The following APBB1 variants were observed in gnomAD, a reference collection of about 807,000 sequenced individuals.
APBB1 encodes the protein amyloid beta precursor protein binding family B member 1, also known as adaptor protein FE65a2.
In APBB1, 22 loss-of-function variants were observed where a neutral mutation model predicts 78.4. The ratio of observed to expected loss-of-function variants is 0.28; its 90% CI spans 0.20 to 0.40. The LOEUF (loss-of-function observed/expected upper bound fraction) is 0.40. Among genes scored for constraint, APBB1 ranks in the 10% least tolerant of loss-of-function variants. APBB1 has a pLI of 1.00. For missense variants in APBB1, 749 were observed against 932.4 expected, an observed-to-expected ratio of 0.80 and a Z score of 2.56; for synonymous variants, 369 against 372.7, an observed-to-expected ratio of 0.99 and a Z score of 0.12.
intron 7 of APBB1, 150 bp from the exon 8 acceptor site, chr11:6,402,359 G>A: frequency 8.3e-7 from 1 of 1,204,842 alleles, no homozygotes; most frequent in South Asian, 1.5e-5. Context: ...TCTAGTGGAG[G>A]TCACGTGTCA....
At chr11:6,409,005 T>C (rs1275554499) in intron 2 of APBB1, among the ~76,000 whole-genome samples, 1 of 152,148 alleles carries the variant, frequency 6.6e-6, no homozygotes, top group East Asian at 1.9e-4. Flanking sequence ...TTTTTGTAGG[T>C]ACAATAATGA....
intron 2 of APBB1, among the ~76,000 whole-genome samples, chr11:6,410,000 T>C (rs1329903908): frequency 6.6e-6 from 1 of 151,934 alleles, no homozygotes; most frequent in Non-Finnish European, 1.5e-5. Flanking sequence ...CAAACAGACC[T>C]CTGTGGGGAG....
At chr11:6,414,129 C>G (rs1849057377) in intron 1 of APBB1, among the ~76,000 whole-genome samples, 1 of 152,090 alleles carries the variant, frequency 6.6e-6, no homozygotes, top group South Asian at 2.1e-4. Flanking sequence ...CAGTCCCCTC[C>G]CCACCTCCCG....
At chr11:6,404,993 A>G in intron 2 of APBB1, 1 of 1,430,190 alleles carries the variant, frequency 7.0e-7, no homozygotes, top group Non-Finnish European at 9.1e-7. Flanking sequence ...CCACCATGCT[A>G]GGGAATCTCC....
rs2134074450 is a variant in APBB1 at position 6,403,366 on chromosome 11, C to T, written c.993G>A (p.Leu331=). The change falls in exon 5 of 15, where the codon CTG becomes CTA. Residue 331 remains leucine (L), a synonymous_variant. Coordinates refer to ENST00000609360, the MANE Select transcript of APBB1 (RefSeq NM_001164.5). The surrounding 1 kb of genome is among the most constrained non-coding windows in gnomAD (Gnocchi z 5.3). ...PSDEAPMELG[L]KEPEEGTLTF... The stretch of plus-strand genomic sequence containing the variant: ...TCAACGTCCCCTCCTCAGGTTCCTT[C>T]AGTCCCAGCTCCATTGGGGCCTCAT... The T allele has an allele frequency of 6.2e-7, 1 of 1,614,146 alleles. No homozygotes were observed. The highest frequency in any genetic ancestry group is 2.2e-5 in the East Asian group (1 of 44,884).
rs376574371 is a variant in APBB1 at position 6,412,102 on chromosome 11, T to A, written c.-14-741A>T. ...CTGTCCTGGATCACTATGGGAGCCT[T>A]TCCCCTGGGCCCCTCAGCCTTTCAG... On this transcript the variant is annotated intron_variant, in intron 1 of 14. Coordinates refer to ENST00000609360, the MANE Select transcript of APBB1 (RefSeq NM_001164.5). 3.8e-4 allele frequency among the ~76,000 whole-genome samples: 58 copies of A among 152,322 alleles called. No individual in the cohort carries two copies. In the South Asian group the frequency reaches 8.1e-3, roughly 21 times the overall value.
chr11:6,414,175 G>A (rs1418966349), intron 1 of APBB1, among the ~76,000 whole-genome samples: 5 of 152,148 alleles, frequency 3.3e-5, no homozygotes, highest in South Asian at 4.1e-4. Context: ...CACATGAAGC[G>A]TGGCGGATTC....
At position 6,401,440 on chromosome 11, in the gene APBB1, AAGGG is replaced by A. The variant is rs1163066786; in HGVS notation, c.1504-15_1504-12del. The A allele has an allele frequency of 2.9e-5, 47 of 1,613,148 alleles. No homozygotes were observed. Among genetic ancestry groups the A allele is most frequent in the Non-Finnish European group, 4.0e-5 (47 of 1,179,332 alleles). ...CCGTTCGGCCATGATCTGAGGAAGGAAGGGAGGCGAGGAGCCAGGGAGAATCTAT... is the reference window on the plus strand; with the variant it reads ...CCGTTCGGCCATGATCTGAGGAAGGAAGGCGAGGAGCCAGGGAGAATCTAT... On this transcript the variant is annotated splice_polypyrimidine_tract_variant and intron_variant, in intron 10 of 14. Transcript: ENST00000609360. This position sits in a 1 kb window ranked among gnomAD's most constrained non-coding sequence, Gnocchi z 4.5.
chr11:6,395,217 CCTT>C lies in APBB1; in HGVS notation c.*314_*316del, dbSNP rs1184495053. On this transcript the variant is annotated 3_prime_UTR_variant, in exon 15 of 15. Transcript: ENST00000609360. The surrounding 1 kb of genome is among the most constrained non-coding windows in gnomAD (Gnocchi z 5.2). ...CCCATGCCTGGACCAGTCCCTTCCT[CCTT>C]CTGCCCCTGCTGGGTCCAGGAGGAT... The C allele has an allele frequency of 3.4e-6, 1 of 291,468 alleles. No individual in the cohort carries two copies. The highest frequency in any genetic ancestry group is 6.4e-6 in the Non-Finnish European group (1 of 156,140). The allele number at this position is 291,468 out of a possible 1,614,324, so 18.1% of individuals were successfully genotyped here. A position where few individuals can be genotyped will look rare whatever the true frequency, so the allele number is the denominator to read the frequency against.
chr11:6,413,512 T>C (rs1216686775), intron 1 of APBB1, among the ~76,000 whole-genome samples: 1 of 152,190 alleles, frequency 6.6e-6, no homozygotes, highest in African/African-American at 2.4e-5. Context: ...TCTCTCCAGG[T>C]GCGGTGCGCC....
chr11:6,406,595 T>C (rs1473787332), intron 2 of APBB1, among the ~76,000 whole-genome samples: 1 of 152,158 alleles, frequency 6.6e-6, no homozygotes, highest in Non-Finnish European at 1.5e-5. Flanking sequence ...TCCCCAGGTT[T>C]TATGTGCTGT....
chr11:6,411,138 T>C lies in APBB1; in HGVS notation c.210A>G (p.Leu70=), dbSNP rs745435133. Residue 70 remains leucine (L), a synonymous_variant, in exon 2 of 15, where the codon CTA becomes CTG. Transcript: ENST00000609360. The surrounding 1 kb of genome is among the most constrained non-coding windows in gnomAD (Gnocchi z 5.2). ...GCCGGAGCTGGTTCTGGCCCTCTTT[T>C]AGCCACTTGGCATTGGCAGGGCCTG... ...PEPGPANAKW[L]KEGQNQLRRA... The C allele has an allele frequency of 1.9e-6, 3 of 1,610,850 alleles. No homozygotes were observed. In the South Asian group the frequency reaches 3.3e-5, roughly 18 times the overall value.
chr11:6,403,400 T>A lies in APBB1; in HGVS notation c.959A>T (p.Glu320Val), dbSNP rs370118988. 3.3e-5 allele frequency: 53 copies of A among 1,614,060 alleles called. No homozygotes were observed. Among genetic ancestry groups the A allele is most frequent in the Non-Finnish European group, 4.4e-5 (52 of 1,180,024 alleles). The change falls in exon 5 of 15, where the codon GAA becomes GTA. Residue 320 changes from glutamate to valine, a missense_variant. Coordinates refer to ENST00000609360, the MANE Select transcript of APBB1 (RefSeq NM_001164.5). This position sits in a 1 kb window ranked among gnomAD's most constrained non-coding sequence, Gnocchi z 5.3. ...GFEDGEFWKD[E>V]PSDEAPMELG... ...CTCCATTGGGGCCTCATCACTGGGT[T>A]CATCCTTGGGAAGGGGATTGAGGAA...
chr11:6,414,045 A>G (rs566952121), intron 1 of APBB1, among the ~76,000 whole-genome samples: 7 of 151,974 alleles, frequency 4.6e-5, no homozygotes, highest in Admixed American at 4.6e-4. Context: ...AGGGCTCACC[A>G]CTGCCTTTCG....
At chr11:6,396,339 C>T in intron 12 of APBB1, 124 bp from the exon 13 acceptor site, 3 of 780,006 alleles carry the variant, frequency 3.8e-6, no homozygotes, top group Non-Finnish European at 6.1e-6. Flanking sequence ...TGCCAGCCTA[C>T]ATTTTGGACA....
rs1187752090 is a variant in APBB1, at chr11:6,403,687, G to T, written c.857C>A (p.Ala286Asp). 10 of 1,608,200 alleles carry T rather than the reference G, an allele frequency of 6.2e-6. No individual in the cohort carries two copies. Among genetic ancestry groups the T allele is most frequent in the Non-Finnish European group, 8.5e-6 (10 of 1,176,352 alleles). ...GGGGCTGCTCCCCTGTGAGGGGGAG[G>T]CCCGGCCGGGGGGTTCCCACTGGGT... ...GTTQWEPPGRASPSQGSSPQE... is the reference protein window; with the variant it reads ...GTTQWEPPGRDSPSQGSSPQE... The change falls in exon 3 of 15, where the codon GCC becomes GAC. Residue 286 changes from alanine (A) to aspartate (D), a missense_variant. Transcript: ENST00000609360. The surrounding 1 kb of genome is among the most constrained non-coding windows in gnomAD (Gnocchi z 5.3).
Position 6,403,574 on chromosome 11 carries a change from G to A in APBB1, c.898-30C>T, listed in dbSNP as rs1848646794. ...GAGGAGGGATGGGAGTAGTGAGTGA[G>A]TGTCCTATCCTACTCCAGCAGCACA... is the stretch of plus-strand genomic sequence containing the variant. On this transcript the variant is annotated intron_variant, in intron 3 of 14. Transcript: ENST00000609360. This position sits in a 1 kb window ranked among gnomAD's most constrained non-coding sequence, Gnocchi z 5.3. The A allele has an allele frequency of 1.9e-6, 3 of 1,613,078 alleles. No homozygotes were observed. The highest frequency in any genetic ancestry group is 2.2e-5 in the East Asian group (1 of 44,876).
rs1181087304 is a variant in APBB1 at position 6,405,097 on chromosome 11, C to A, written c.722-1275G>T. 10 of 1,360,988 alleles carry A rather than the reference C, an allele frequency of 7.3e-6. No individual in the cohort carries two copies. The East Asian group carries it at 1.7e-4, about 23-fold the overall frequency. 84.3% of individuals were successfully genotyped at this position (1,360,988 alleles called of 1,614,324 possible). ...CTTCCTCGCCCTGGCTCCCCTCCCC[C>A]AATCCTGAATCTCCATCCCACCCTC... On this transcript the variant is annotated intron_variant, in intron 2 of 14. Coordinates refer to ENST00000609360, the MANE Select transcript of APBB1 (RefSeq NM_001164.5).
At position 6,401,568 on chromosome 11, in the gene APBB1, C is replaced by T; in HGVS notation, c.1503+6G>A. The T allele has an allele frequency of 6.2e-7, 1 of 1,614,138 alleles. No individual in the cohort carries two copies. Among genetic ancestry groups the T allele is most frequent in the Non-Finnish European group, 8.5e-7 (1 of 1,180,032 alleles). On this transcript the variant is annotated splice_donor_region_variant and intron_variant, in intron 10 of 14. Transcript: ENST00000609360. This position sits in a 1 kb window ranked among gnomAD's most constrained non-coding sequence, Gnocchi z 4.5. The stretch of plus-strand genomic sequence containing the variant: ...CAACTAGTCCAGGGAGTGGAGGGGG[C>T]CGTGCCTTAGAGCAGATCTCATGCA...
Sources: gnomAD v4.1 joint callset for allele counts (sites outside exome capture counted in the v4.1 genomes callset) on GRCh38, gnomAD v4.1.1 for gene constraint, Gnocchi (gnomAD v3.1) non-coding constraint, MANE v1.5 for transcripts, NCBI Gene and HGNC (gene_info 2026-07-23, HGNC 2026-07-21) for gene names.